SRL: variants seen among roughly 807,000 people sequenced by gnomAD.
The protein encoded by SRL is sarcalumenin.
SRL carries 23 observed loss-of-function variants against 39.5 expected under a neutral mutation model. The observed-to-expected ratio is 0.58, with a 90% confidence interval of 0.42 to 0.82. SRL has a LOEUF of 0.82. SRL is among the 40% of genes least tolerant of loss of function. The pLI is 0.00. For synonymous variants in SRL, 272 were observed against 237.4 expected (o/e 1.15, Z -1.34); for missense variants, 592 against 607.8 (o/e 0.97, Z 0.27).
At chr16:4,221,020 C>T (rs555868628) in intron 1 of SRL, among the ~76,000 whole-genome samples, 3 of 151,966 alleles carry the variant, frequency 2.0e-5, no homozygotes, top group Admixed American at 6.6e-5. Flanking sequence ...CCAGATGAGG[C>T]CCTCATCGCC....
intron 1 of SRL, among the ~76,000 whole-genome samples, chr16:4,225,190 C>T (rs1369893340): frequency 6.6e-6 from 1 of 152,100 alleles, no homozygotes. Flanking sequence ...GTGTTGATGG[C>T]TGCATATATC....
In SRL at chr16:4,192,325, G is replaced by C. The variant is rs778207177; in HGVS notation, c.1250C>G (p.Ser417Cys). The C allele has an allele frequency of 5.0e-6, 8 of 1,614,068 alleles. No individual in the cohort carries two copies. The East Asian group carries it at 1.8e-4, about 36-fold the overall frequency. Residue 417 changes from serine to cysteine, a missense_variant, in exon 6 of 6, where the codon TCC (serine) becomes TGC (cysteine). By Grantham distance (112) the Ser-to-Cys change is moderately radical. Coordinates refer to ENST00000399609, the MANE Select transcript of SRL (RefSeq NM_001098814.2). This position sits in a 1 kb window ranked among gnomAD's most constrained non-coding sequence, Gnocchi z 4.0. ...INPISSFKLL[S>C]QQCSYMGGCF... is the part of the protein sequence containing the mutation. ...ACCTCCCATGTAGGAGCACTGCTGG[G>C]AGAGCAGTTTGAAACTGGAAATGGG...
At chr16:4,194,447 G>A (rs1451585972) in intron 5 of SRL, among the ~76,000 whole-genome samples, 3 of 152,160 alleles carry the variant, frequency 2.0e-5, no homozygotes, top group African/African-American at 4.8e-5. Context: ...CTTTGAAGAA[G>A]CCTGCTAAAG....
At chr16:4,216,701 G>A (rs550000519) in intron 1 of SRL, among the ~76,000 whole-genome samples, 1 of 152,330 alleles carries the variant, frequency 6.6e-6, no homozygotes, top group South Asian at 2.1e-4. Flanking sequence ...AGCCGTGCCT[G>A]CAGTGAACAG....
intron 3 of SRL, among the ~76,000 whole-genome samples, chr16:4,202,355 A>C (rs1054463572): frequency 2.6e-5 from 4 of 152,162 alleles, no homozygotes; most frequent in African/African-American, 9.7e-5. Flanking sequence ...GCACTTTGGG[A>C]GGCCGAAGCG....
intron 1 of SRL, among the ~76,000 whole-genome samples, chr16:4,209,951 C>T (rs551454024): frequency 1.3e-5 from 2 of 152,152 alleles, no homozygotes; most frequent in Non-Finnish European, 2.9e-5. Flanking sequence ...ACAGGGGACC[C>T]CTTCCTGCTG....
intron 1 of SRL, among the ~76,000 whole-genome samples, chr16:4,224,256 A>G (rs1276692128): frequency 6.6e-6 from 1 of 152,144 alleles, no homozygotes; most frequent in Non-Finnish European, 1.5e-5. Flanking sequence ...TTTCATTAGT[A>G]ATAAAACAGA....
rs374884498 is a variant in SRL at position 4,192,383 on chromosome 16, G to T, written c.1192C>A (p.Arg398Ser). The T allele has an allele frequency of 1.2e-6, 2 of 1,614,160 alleles. No individual in the cohort carries two copies. The highest frequency in any genetic ancestry group is 2.2e-5 in the South Asian group (2 of 91,080). The change falls in exon 6 of 6, where the codon CGC (arginine) becomes AGC (serine). Residue 398 changes from arginine (R) to serine (S), a missense_variant. By Grantham distance (110) the Arg-to-Ser change is moderately radical. Coordinates refer to ENST00000399609, the MANE Select transcript of SRL (RefSeq NM_001098814.2). The surrounding 1 kb of genome is among the most constrained non-coding windows in gnomAD (Gnocchi z 4.0). ...TNVSKFDLPN[R>S]EAYKDFFGIN... ...CCGAAGAAGTCCTTATAGGCCTCGC[G>T]GTTGGGAAGGTCAAATTTGCTGACA...
intron 1 of SRL, among the ~76,000 whole-genome samples, chr16:4,222,852 G>C (rs2052545184): frequency 1.3e-5 from 2 of 152,154 alleles, no homozygotes; most frequent in Non-Finnish European, 1.5e-5. Flanking sequence ...CCAGCACTTT[G>C]GGAAGCTGAG....
intron 1 of SRL, among the ~76,000 whole-genome samples, chr16:4,226,472 C>G (rs553023906): frequency 6.9e-6 from 1 of 144,156 alleles, no homozygotes; most frequent in African/African-American, 2.6e-5. Context: ...GAAGGATAGA[C>G]GGATGAATGG....
At chr16:4,198,073 CGTAA>C (rs2052173805) in intron 3 of SRL, among the ~76,000 whole-genome samples, 158 bp from the exon 4 acceptor site, 2 of 152,336 alleles carry the variant, frequency 1.3e-5, no homozygotes, top group Non-Finnish European at 2.9e-5. Context: ...TCTCTTGCTA[CGTAA>C]GTGTGATCAC....
chr16:4,197,299 ACCTCAGGTCATCCTCCTG>A (rs1395395573), intron 4 of SRL, among the ~76,000 whole-genome samples: 1 of 149,520 alleles, frequency 6.7e-6, no homozygotes, highest in Non-Finnish European at 1.5e-5. Context: ...CGAACTCCTG[ACCTCAGGTCATCCTCCTG>A]CCTCAGCCTC....
chr16:4,233,993 TTCTC>T (rs966438902), intron 1 of SRL, among the ~76,000 whole-genome samples: 14 of 152,008 alleles, frequency 9.2e-5, no homozygotes, highest in East Asian at 1.9e-4. Flanking sequence ...TCATTCTGTG[TTCTC>T]TCTCTCTTTT....
At chr16:4,213,722 G>C (rs1567182550) in intron 1 of SRL, among the ~76,000 whole-genome samples, 1 of 152,092 alleles carries the variant, frequency 6.6e-6, no homozygotes, top group Non-Finnish European at 1.5e-5. Context: ...TTTTCACTTT[G>C]CCAGTCCACA....
At chr16:4,206,613 A>G in intron 1 of SRL, 1 of 445,282 alleles carries the variant, frequency 2.2e-6, no homozygotes, top group Non-Finnish European at 4.5e-6. Flanking sequence ...GACTGTGAAA[A>G]GGGCCTGCCA....
chr16:4,217,875 CTCCGGGTCT>C (rs1386525933), intron 1 of SRL, among the ~76,000 whole-genome samples: 2 of 152,188 alleles, frequency 1.3e-5, no homozygotes, highest in Non-Finnish European at 2.9e-5. Context: ...TCCTTTAGCC[CTCCGGGTCT>C]GGGGGCTCAG....
intron 1 of SRL, among the ~76,000 whole-genome samples, chr16:4,218,481 C>A (rs1019195213): frequency 2.6e-5 from 4 of 152,132 alleles, no homozygotes; most frequent in African/African-American, 9.7e-5. Flanking sequence ...GCCTGGAGAA[C>A]GCAGCCAGGG....
intron 1 of SRL, among the ~76,000 whole-genome samples, chr16:4,220,131 C>G (rs970350023): frequency 6.6e-6 from 1 of 152,068 alleles, no homozygotes; most frequent in African/African-American, 2.4e-5. Context: ...ACCCAGCCAC[C>G]CTAAGGGGAA....
At position 4,192,398 on chromosome 16, in the gene SRL, A is replaced by T. The variant is rs1430404776; in HGVS notation, c.1177T>A (p.Phe393Ile). 1 of 1,614,170 alleles carries T rather than the reference A, an allele frequency of 6.2e-7. No individual in the cohort carries two copies. ...TAGGCCTCGCGGTTGGGAAGGTCAA[A>T]TTTGCTGACATTGGTCTTTGCCAGG... ...TILAKTNVSK[F>I]DLPNREAYKD... Residue 393 changes from phenylalanine to isoleucine, a missense_variant, in exon 6 of 6, where the codon TTT becomes ATT. Physicochemically the swap from Phe to Ile is conservative, Grantham distance 21 (BLOSUM62 0). Coordinates refer to ENST00000399609, the MANE Select transcript of SRL (RefSeq NM_001098814.2). The surrounding 1 kb of genome is among the most constrained non-coding windows in gnomAD (Gnocchi z 4.0).
Sources: gnomAD v4.1 joint callset for allele counts (sites outside exome capture counted in the v4.1 genomes callset) on GRCh38, gnomAD v4.1.1 for gene constraint, Gnocchi (gnomAD v3.1) non-coding constraint, MANE v1.5 for transcripts, NCBI Gene and HGNC (gene_info 2026-07-23, HGNC 2026-07-21) for gene names.